Variants in MYADM observed in about 807,000 individuals in gnomAD.
MYADM encodes the protein myeloid-associated differentiation marker.
For missense variants in MYADM, 416 were observed against 443.4 expected (o/e 0.94, Z 0.56); for synonymous variants, 224 against 210.2 (o/e 1.07, Z -0.57).
Position 53,873,435 on chromosome 19 carries a change from A to C in MYADM, c.-2-93A>C. The C allele has an allele frequency of 7.5e-7, 1 of 1,338,062 alleles. No individual in the cohort carries two copies. Among genetic ancestry groups the C allele is most frequent in the Non-Finnish European group, 1.0e-6 (1 of 975,580 alleles). The allele number at this position is 1,338,062 out of a possible 1,614,324, so 82.9% of individuals were successfully genotyped here. The stretch of plus-strand genomic sequence containing the variant: ...CTTGGGAACTCCCTAATTAGAGCTC[A>C]TATTAATTTGTCCCTGGGGTAGGCA... On this transcript the variant is annotated intron_variant, in intron 2 of 2. Coordinates refer to ENST00000391770, the MANE Select transcript of MYADM (RefSeq NM_138373.5). The surrounding 1 kb of genome is among the most constrained non-coding windows in gnomAD (Gnocchi z 4.3).
upstream of MYADM, chr19:53,866,145 T>A (rs2068241884): frequency 6.6e-6 from 1 of 152,114 alleles, no homozygotes; most frequent in South Asian, 2.1e-4. This position sits in a 1 kb window ranked among gnomAD's most constrained non-coding sequence, Gnocchi z 4.3. Flanking sequence ...GGCCCCTCCC[T>A]GCTCCGTAGG....
chr19:53,873,991 A>C lies in MYADM; in HGVS notation c.462A>C (p.Glu154Asp). 1 of 1,608,960 alleles carries C rather than the reference A, an allele frequency of 6.2e-7. No homozygotes were observed. Among genetic ancestry groups the C allele is most frequent in the Non-Finnish European group, 8.5e-7 (1 of 1,179,988 alleles). The change falls in exon 3 of 3, where the codon GAA becomes GAC. Residue 154 changes from glutamate to aspartate, a missense_variant. Glu to Asp is a conservative substitution (Grantham distance 45). Coordinates refer to ENST00000391770, the MANE Select transcript of MYADM (RefSeq NM_138373.5). The surrounding 1 kb of genome is among the most constrained non-coding windows in gnomAD (Gnocchi z 4.3). Reference protein sequence around the residue: ...SCIACVAYATEVAWTRARPGE... With the variant: ...SCIACVAYATDVAWTRARPGE... ...TCGCGTGTGTGGCTTACGCCACCGAAGTGGCCTGGACCCGGGCCCGGCCCG... is the reference window on the plus strand; with the variant it reads ...TCGCGTGTGTGGCTTACGCCACCGACGTGGCCTGGACCCGGGCCCGGCCCG...
Position 53,874,778 on chromosome 19 carries a change from T to TCA in MYADM, c.*280_*281insCA. ...TGTTTCTCTTTTTCTTTTCTTTTTT[T>TCA]TTTTTTTTTTTTTTTAAGACGGATT... On this transcript the variant is annotated 3_prime_UTR_variant, in exon 3 of 3. Transcript: ENST00000391770. 2 of 180,720 alleles carry TCA rather than the reference T, an allele frequency of 1.1e-5. No homozygotes were observed. Among genetic ancestry groups the TCA allele is most frequent in the Non-Finnish European group, 2.4e-5 (2 of 83,514 alleles). 11.2% of individuals were successfully genotyped at this position (180,720 alleles called of 1,614,324 possible).
Position 53,868,645 on chromosome 19 carries a change from G to A in MYADM, c.-88+702G>A, listed in dbSNP as rs2068289543. ...CCGAGAGCCGAAGCTGGGGTTCCGG[G>A]GCCCGATTCTCAGCGTGAGCGATGG... is the stretch of plus-strand genomic sequence containing the variant. On this transcript the variant is annotated intron_variant, in intron 1 of 2. Transcript: ENST00000391770. The surrounding 1 kb of genome is among the most constrained non-coding windows in gnomAD (Gnocchi z 6.3). Among the ~76,000 whole-genome samples, 2 of 152,096 alleles carry A rather than the reference G, an allele frequency of 1.3e-5. 1 individual carries two copies. Among genetic ancestry groups the A allele is most frequent in the Non-Finnish European group, 2.9e-5 (2 of 67,998 alleles).
In MYADM at chr19:53,876,239, C is replaced by T. The variant is rs1301462879; in HGVS notation, c.*1741C>T. ...CTTCTTGCTGCTGCTTCCTGCTTGT[C>T]TGGGACTCACATACATAACGTGATA... On this transcript the variant is annotated 3_prime_UTR_variant, in exon 3 of 3. Coordinates refer to ENST00000391770, the MANE Select transcript of MYADM (RefSeq NM_138373.5). 6.1e-6 allele frequency: 1 copy of T among 163,438 alleles called. No individual in the cohort carries two copies. The highest frequency in any genetic ancestry group is 1.5e-5 in the Non-Finnish European group (1 of 67,840). The allele number at this position is 163,438 out of a possible 1,614,324, so 10.1% of individuals were successfully genotyped here. A position where few individuals can be genotyped will look rare whatever the true frequency, so the allele number is the denominator to read the frequency against.
chr19:53,873,549 G>A lies in MYADM; in HGVS notation c.20G>A (p.Arg7His), dbSNP rs757660078. The A allele has an allele frequency of 1.7e-5, 27 of 1,606,642 alleles. No individual in the cohort carries two copies. Among genetic ancestry groups the A allele is most frequent in the Middle Eastern group, 3.3e-4 (2 of 6,038 alleles). Residue 7 changes from arginine to histidine, a missense_variant, in exon 3 of 3, where the codon CGC becomes CAC. Transcript: ENST00000391770. This position sits in a 1 kb window ranked among gnomAD's most constrained non-coding sequence, Gnocchi z 4.3. Reference sequence around the variant, plus strand: ...GCAGCCATGCCAGTGACGGTAACCCGCACCACCATCACAACCACCACGACG... The same window carrying A: ...GCAGCCATGCCAGTGACGGTAACCCACACCACCATCACAACCACCACGACG... MPVTVT[R>H]TTITTTTTSS...
At chr19:53,871,430 C>T (rs751641529) in intron 2 of MYADM, among the ~76,000 whole-genome samples, 30 of 151,910 alleles carry the variant, frequency 2.0e-4, no homozygotes, top group South Asian at 4.1e-4. Flanking sequence ...CTCAAACTAG[C>T]TTTTTTGGGT....
chr19:53,874,297 T>TCTCTGGCC lies in MYADM; in HGVS notation c.770_777dup (p.Leu260SerfsTer21). ...TCCTCCTCTATGCCACCGCCCTTGT[T>TCTCTGGCC]CTCTGGCCCCTCTACCAGTTCGATG... On this transcript the variant is annotated frameshift_variant, in exon 3 of 3. Transcript: ENST00000391770. LOFTEE classifies it low-confidence loss of function (END_TRUNC). 1 of 1,611,004 alleles carries TCTCTGGCC rather than the reference T, an allele frequency of 6.2e-7. No homozygotes were observed. Among genetic ancestry groups the TCTCTGGCC allele is most frequent in the Non-Finnish European group, 8.5e-7 (1 of 1,177,688 alleles).
At chr19:53,869,565 CT>C (rs1222109402) in intron 1 of MYADM, 188 bp from the exon 2 acceptor site, 1 of 152,580 alleles carries the variant, frequency 6.6e-6, no homozygotes, top group African/African-American at 2.4e-5. Flanking sequence ...GGGGCGTGCA[CT>C]TTCGCTGGGT....
intron 2 of MYADM, among the ~76,000 whole-genome samples, chr19:53,872,534 G>T (rs1415564045): frequency 3.3e-5 from 5 of 151,364 alleles, no homozygotes; most frequent in Admixed American, 3.3e-4. Context: ...TTGAGTCAGG[G>T]TCTCACTCTG....
In MYADM at chr19:53,876,109, C is replaced by T. The variant is rs1399543580; in HGVS notation, c.*1611C>T. On this transcript the variant is annotated 3_prime_UTR_variant, in exon 3 of 3. Transcript: ENST00000391770. ...AGGGAAGTTTGTTTTCAGCTGTTCT[C>T]TTTTGCCCGTAGGTGGGAGGGTGGG... is the stretch of plus-strand genomic sequence containing the variant. 6.0e-6 allele frequency: 1 copy of T among 166,888 alleles called. No individual in the cohort carries two copies. The highest frequency in any genetic ancestry group is 2.4e-5 in the African/African-American group (1 of 41,388). 10.3% of individuals were successfully genotyped at this position (166,888 alleles called of 1,614,324 possible).
Position 53,873,765 on chromosome 19 carries a change from C to T in MYADM, c.236C>T (p.Thr79Ile), listed in dbSNP as rs1385382313. 3 of 1,613,990 alleles carry T rather than the reference C, an allele frequency of 1.9e-6. No individual in the cohort carries two copies. Among genetic ancestry groups the T allele is most frequent in the Non-Finnish European group, 1.7e-6 (2 of 1,180,034 alleles). The change falls in exon 3 of 3, where the codon ACC becomes ATC. Residue 79 changes from threonine to isoleucine, a missense_variant. By Grantham distance (89) the Thr-to-Ile change is moderately conservative. Coordinates refer to ENST00000391770, the MANE Select transcript of MYADM (RefSeq NM_138373.5). The surrounding 1 kb of genome is among the most constrained non-coding windows in gnomAD (Gnocchi z 4.3). Reference sequence around the variant, plus strand: ...ACCTGGTGCTTCTGCTTCTCCGTGACCCTGATCATCCTCATCGTGGAGCTG... The same window carrying T: ...ACCTGGTGCTTCTGCTTCTCCGTGATCCTGATCATCCTCATCGTGGAGCTG... Reference protein sequence around the residue: ...MFTWCFCFSVTLIILIVELCG... With the variant: ...MFTWCFCFSVILIILIVELCG...
chr19:53,874,667 T>C lies in MYADM; in HGVS notation c.*169T>C. 1 of 638,436 alleles carries C rather than the reference T, an allele frequency of 1.6e-6. No homozygotes were observed. The highest frequency in any genetic ancestry group is 2.5e-6 in the Non-Finnish European group (1 of 398,792). 39.5% of individuals were successfully genotyped at this position (638,436 alleles called of 1,614,324 possible). A position where few individuals can be genotyped will look rare whatever the true frequency, so the allele number is the denominator to read the frequency against. ...CAATTCCTTGCACTCTAACCAGTTC[T>C]TGGATGCATCTTCTTCCTTCCCTTT... is the stretch of plus-strand genomic sequence containing the variant. On this transcript the variant is annotated 3_prime_UTR_variant, in exon 3 of 3. Transcript: ENST00000391770.
rs1304456141 is a variant in MYADM at position 53,875,989 on chromosome 19, C to T, written c.*1491C>T. On this transcript the variant is annotated 3_prime_UTR_variant, in exon 3 of 3. Coordinates refer to ENST00000391770, the MANE Select transcript of MYADM (RefSeq NM_138373.5). ...GCAGAGAGAAGAAAATAGCCACTGC[C>T]CGCTTTCAAGGCAAGATCGACCTTT... 1 of 167,018 alleles carries T rather than the reference C, an allele frequency of 6.0e-6. No individual in the cohort carries two copies. The highest frequency in any genetic ancestry group is 1.5e-5 in the Non-Finnish European group (1 of 68,120). 10.3% of individuals were successfully genotyped at this position (167,018 alleles called of 1,614,324 possible).
intron 2 of MYADM, among the ~76,000 whole-genome samples, chr19:53,872,153 C>G (rs950460412): frequency 6.6e-6 from 1 of 152,112 alleles, no homozygotes; most frequent in African/African-American, 2.4e-5. Flanking sequence ...CCAGCCTCGG[C>G]TTCCGAAAGT....
In MYADM at chr19:53,873,885, T is replaced by C; in HGVS notation, c.356T>C (p.Ile119Thr). The C allele has an allele frequency of 1.9e-6, 3 of 1,613,202 alleles. No homozygotes were observed. The highest frequency in any genetic ancestry group is 2.5e-6 in the Non-Finnish European group (3 of 1,180,022). The part of the protein sequence containing the change: ...AALFCLSASI[I>T]YPTTYVQFLS... ...CTCTTCTGCCTCTCGGCCTCCATCA[T>C]CTACCCCACCACCTATGTCCAGTTC... Residue 119 changes from isoleucine (I) to threonine (T), a missense_variant, in exon 3 of 3, where the codon ATC (isoleucine) becomes ACC (threonine). Physicochemically the swap from Ile to Thr is moderately conservative, Grantham distance 89. Transcript: ENST00000391770. This position sits in a 1 kb window ranked among gnomAD's most constrained non-coding sequence, Gnocchi z 4.3.
Position 53,873,463 on chromosome 19 carries a change from G to C in MYADM, c.-2-65G>C. The C allele has an allele frequency of 1.3e-6, 2 of 1,511,940 alleles. No homozygotes were observed. Among genetic ancestry groups the C allele is most frequent in the Non-Finnish European group, 1.8e-6 (2 of 1,127,220 alleles). The allele number at this position is 1,511,940 out of a possible 1,614,324, so 93.7% of individuals were successfully genotyped here. On this transcript the variant is annotated intron_variant, in intron 2 of 2. Coordinates refer to ENST00000391770, the MANE Select transcript of MYADM (RefSeq NM_138373.5). This position sits in a 1 kb window ranked among gnomAD's most constrained non-coding sequence, Gnocchi z 4.3. ...TTAATTTGTCCCTGGGGTAGGCAAT[G>C]GCTAAGGGACCTGGATTCTTATGTT...
chr19:53,871,587 G>A (rs1225051216), intron 2 of MYADM, among the ~76,000 whole-genome samples: 3 of 152,116 alleles, frequency 2.0e-5, no homozygotes, highest in African/African-American at 7.2e-5. Flanking sequence ...GGTTTTCCAC[G>A]GCTGGGATCT....
rs1341671179 is a variant in MYADM, at chr19:53,876,283, A to T, written c.*1785A>T. 6.6e-6 allele frequency: 1 copy of T among 150,528 alleles called. No homozygotes were observed. 9.3% of individuals were successfully genotyped at this position (150,528 alleles called of 1,614,324 possible). A position where few individuals can be genotyped will look rare whatever the true frequency, so the allele number is the denominator to read the frequency against. On this transcript the variant is annotated 3_prime_UTR_variant, in exon 3 of 3. Transcript: ENST00000391770. ...CGTGATATATATATATATATATATA[A>T]ATGTATAAATATATATTTTATTTTT...
Sources: allele counts gnomAD v4.1 joint callset (sites outside exome capture counted in the v4.1 genomes callset), GRCh38; gene constraint gnomAD v4.1.1; non-coding constraint Gnocchi (gnomAD v3.1); transcripts MANE v1.5; gene names NCBI Gene and HGNC (gene_info 2026-07-23, HGNC 2026-07-21).